The following NTM variants were observed in gnomAD, a reference collection of about 807,000 sequenced individuals.
The protein encoded by NTM is neurotrimin.
Under a neutral mutation model 42.1 loss-of-function variants are expected in NTM, and 13 were observed. The observed-to-expected ratio is 0.31, with a 90% CI of 0.20 to 0.49. NTM has a LOEUF of 0.49. NTM is among the 20% of genes least tolerant of loss of function. The probability of loss-of-function intolerance (pLI) is 0.99; values close to 1 mark genes in which losing one functional copy is unlikely to be tolerated. For synonymous variants in NTM, 187 were observed against 179.2 expected (o/e 1.04, Z -0.35); for missense variants, 373 against 452.8 (o/e 0.82, Z 1.60).
At chr11:131,714,165 G>T (rs1273864326) in intron 1 of NTM, among the ~76,000 whole-genome samples, 1 of 152,078 alleles carries the variant, frequency 6.6e-6, no homozygotes, top group Non-Finnish European at 1.5e-5. Context: ...GGAAGCTGCT[G>T]ATCACCAGCT....
chr11:131,417,770 A>G (rs1396890628), intron 1 of NTM, among the ~76,000 whole-genome samples: 1 of 152,244 alleles, frequency 6.6e-6, no homozygotes, highest in Non-Finnish European at 1.5e-5. Flanking sequence ...TCCTCTAGGA[A>G]GATGGGGCCT....
At chr11:132,104,926 T>C (rs1348221167) in intron 2 of NTM, among the ~76,000 whole-genome samples, 3 of 110,372 alleles carry the variant, frequency 2.7e-5, no homozygotes, top group Non-Finnish European at 5.4e-5. Flanking sequence ...TCTCTCTCCA[T>C]ATATACATAT....
intron 2 of NTM, among the ~76,000 whole-genome samples, chr11:131,969,257 C>G (rs1026165695): frequency 1.3e-5 from 2 of 152,090 alleles, no homozygotes; most frequent in African/African-American, 4.8e-5. Context: ...TGAGTGAGCA[C>G]CAAGAAATAC....
At chr11:131,521,859 G>A (rs2049781360) in intron 1 of NTM, among the ~76,000 whole-genome samples, 1 of 152,044 alleles carries the variant, frequency 6.6e-6, no homozygotes, top group Non-Finnish European at 1.5e-5. Context: ...AAGACCCCCT[G>A]TTTCCATTCC....
Position 131,873,543 on chromosome 11 carries a change from TATATACATATATATATACC to T in NTM, c.83-38020_83-38002del, listed in dbSNP as rs1398997820. The stretch of plus-strand genomic sequence containing the variant: ...TAAAGTGTGTGTGTGTGTGTGTATA[TATATACATATATATATACC>T]GTATATATATACATATATATATACC... On this transcript the variant is annotated intron_variant, in intron 1 of 8. Coordinates refer to ENST00000683400, the MANE Select transcript of NTM (RefSeq NM_001352005.2). Among the ~76,000 whole-genome samples the T allele has an allele frequency of 1.7e-3, 90 of 53,240 alleles. 1 individual carries two copies. Among genetic ancestry groups the T allele is most frequent in the East Asian group, 7.0e-3 (5 of 716 alleles). 34.9% of individuals were successfully genotyped at this position (53,240 alleles called of 152,430 possible).
chr11:132,178,175 C>A (rs192060948), intron 3 of NTM, among the ~76,000 whole-genome samples: 1 of 152,136 alleles, frequency 6.6e-6, no homozygotes, highest in South Asian at 2.1e-4. Context: ...AGGCTGGCTC[C>A]GCAGGATCTC....
At chr11:132,184,398 G>T (rs1380095176) in intron 3 of NTM, among the ~76,000 whole-genome samples, 2 of 152,164 alleles carry the variant, frequency 1.3e-5, no homozygotes, top group Non-Finnish European at 2.9e-5. Flanking sequence ...CACTGCCCCA[G>T]TTCCTACATC....
intron 1 of NTM, among the ~76,000 whole-genome samples, chr11:131,395,000 G>T (rs571248277): frequency 1.3e-5 from 2 of 152,164 alleles, no homozygotes; most frequent in Non-Finnish European, 2.9e-5. Flanking sequence ...GGGGTGTTAG[G>T]TACGGGACCT....
chr11:131,798,116 AC>A (rs1207364307), intron 1 of NTM, among the ~76,000 whole-genome samples: 2 of 152,186 alleles, frequency 1.3e-5, no homozygotes, highest in Admixed American at 6.5e-5. Context: ...TTGATACAAG[AC>A]CTAAACAAGA....
At chr11:132,084,072 CA>C (rs1454036731) in intron 2 of NTM, among the ~76,000 whole-genome samples, 1 of 152,068 alleles carries the variant, frequency 6.6e-6, no homozygotes. Context: ...GTGAAATTTT[CA>C]GCTCTTCATA....
chr11:132,175,916 ATT>A (rs549325716), intron 3 of NTM, among the ~76,000 whole-genome samples: 3 of 151,658 alleles, frequency 2.0e-5, no homozygotes, highest in African/African-American at 7.3e-5. Flanking sequence ...CATTCTTTAC[ATT>A]TTTTTTGTAA....
At chr11:131,939,661 TTCTTC>T (rs1565783644) in intron 2 of NTM, among the ~76,000 whole-genome samples, 2 of 152,164 alleles carry the variant, frequency 1.3e-5, no homozygotes, top group Non-Finnish European at 2.9e-5. Context: ...TTGTAAATCT[TTCTTC>T]TCTTAATACT....
At position 132,190,946 on chromosome 11, in the gene NTM, T is replaced by C. The variant is rs376352044; in HGVS notation, c.401-21076T>C. ...ATAAGCAGGGGATGATATTATTTGT[T>C]TTTTTTTGTCATTTTGCTTTGTTTT... On this transcript the variant is annotated intron_variant, in intron 3 of 8. Transcript: ENST00000683400. Among the ~76,000 whole-genome samples the C allele has an allele frequency of 3.9e-4, 60 of 151,958 alleles. 3 individuals are homozygous for C. The highest frequency in any genetic ancestry group is 1.4e-3 in the African/African-American group (57 of 41,508).
chr11:131,750,304 C>T (rs977071815), intron 1 of NTM, among the ~76,000 whole-genome samples: 1 of 152,234 alleles, frequency 6.6e-6, no homozygotes, highest in Admixed American at 6.5e-5. Flanking sequence ...CTTAGAGACT[C>T]TAAGTTATGG....
chr11:131,795,762 C>T (rs1048192959), intron 1 of NTM: 7 of 985,114 alleles, frequency 7.1e-6, no homozygotes, highest in Non-Finnish European at 6.0e-6. Context: ...CATGATACTG[C>T]CTTGTGGGAG....
chr11:131,907,264 T>TA (rs796536715), intron 1 of NTM, among the ~76,000 whole-genome samples: 29 of 152,176 alleles, frequency 1.9e-4, no homozygotes, highest in African/African-American at 6.7e-4. Flanking sequence ...TAACATGGAG[T>TA]AAAACAAAAA....
chr11:132,178,038 C>T (rs918170072), intron 3 of NTM, among the ~76,000 whole-genome samples: 2 of 152,140 alleles, frequency 1.3e-5, no homozygotes, highest in Admixed American at 1.3e-4. Flanking sequence ...TTTGCTGAAT[C>T]GCTCACATGA....
intron 1 of NTM, among the ~76,000 whole-genome samples, chr11:131,814,434 C>G (rs1290133913): frequency 6.6e-6 from 1 of 152,168 alleles, no homozygotes; most frequent in Non-Finnish European, 1.5e-5. Flanking sequence ...ACAAATGGTT[C>G]TGATCACACT....
chr11:131,942,919 C>T (rs1260030900), intron 2 of NTM, among the ~76,000 whole-genome samples: 5 of 146,968 alleles, frequency 3.4e-5, no homozygotes, highest in South Asian at 2.2e-4. Flanking sequence ...GCACTCCAGT[C>T]GGGTCAAGAG....
Sources: allele counts gnomAD v4.1 joint callset (sites outside exome capture counted in the v4.1 genomes callset), GRCh38; gene constraint gnomAD v4.1.1; transcripts MANE v1.5; gene names NCBI Gene and HGNC (gene_info 2026-07-23, HGNC 2026-07-21).